The following CHFR variants were observed in gnomAD, a reference collection of about 807,000 sequenced individuals.
CHFR encodes the protein E3 ubiquitin-protein ligase CHFR.
In CHFR, 57 loss-of-function variants were observed where a neutral mutation model predicts 87.6. The ratio of observed to expected loss-of-function variants is 0.65; its 90% CI spans 0.53 to 0.81. CHFR has a LOEUF of 0.81. Among genes scored for constraint, CHFR ranks in the 30% least tolerant of loss-of-function variants. The pLI is 0.00. For missense variants in CHFR, 797 were observed against 865.8 expected (o/e 0.92, Z 1.00); for synonymous variants, 381 against 359.2 (o/e 1.06, Z -0.69).
rs1951299853 is a variant in CHFR, at chr12:132,864,916, AG to A, written c.584-3283del. On this transcript the variant is annotated intron_variant, in intron 6 of 17. Transcript: ENST00000450056. ...CACTGTGCTATGCACATTGGTGGAT[AG>A]GAACAGGAAACAATTTTACTGGTGA... is the stretch of plus-strand genomic sequence containing the variant. Among the ~76,000 whole-genome samples, 9 of 152,378 alleles carry A rather than the reference AG, an allele frequency of 5.9e-5. No homozygotes were observed. In the South Asian group the frequency reaches 1.9e-3, roughly 32 times the overall value.
chr12:132,846,922 G>C lies in CHFR; in HGVS notation c.1735+121C>G, dbSNP rs898791309. 3.2e-5 allele frequency: 23 copies of C among 724,202 alleles called. No individual in the cohort carries two copies. In the East Asian group the frequency reaches 5.8e-4, roughly 18 times the overall value. 44.9% of individuals were successfully genotyped at this position (724,202 alleles called of 1,614,324 possible). A position where few individuals can be genotyped will look rare whatever the true frequency, so the allele number is the denominator to read the frequency against. ...AACAAAAACAACCTGAAAGCATCAG[G>C]ATCTTTTTCCTCTCTTCCAGGGTGG... On this transcript the variant is annotated intron_variant, in intron 15 of 17. Transcript: ENST00000450056.
chr12:132,884,176 T>C (rs1593542267), intron 2 of CHFR, among the ~76,000 whole-genome samples: 1 of 150,904 alleles, frequency 6.6e-6, no homozygotes, highest in African/African-American at 2.4e-5. Context: ...CCCAGCACTT[T>C]GGGAAGCCGA....
At chr12:132,870,842 T>C in intron 4 of CHFR, 59 bp from the exon 5 acceptor site, 2 of 1,054,156 alleles carry the variant, frequency 1.9e-6, no homozygotes, top group Non-Finnish European at 2.9e-6. Flanking sequence ...TGAGAACTCA[T>C]TTTTCTCTTC....
rs767568711 is a variant in CHFR at position 132,872,060 on chromosome 12, A to G, written c.343+225T>C. The G allele has an allele frequency of 2.5e-5, 12 of 475,982 alleles. No individual in the cohort carries two copies. In the South Asian group the frequency reaches 4.8e-4, roughly 19 times the overall value. The allele number at this position is 475,982 out of a possible 1,614,324, so 29.5% of individuals were successfully genotyped here. ...GCTGCCATTTTGGGATTGGCTGCTC[A>G]TGGCCACAGTGGTATTCCTGAGGAA... On this transcript the variant is annotated intron_variant, in intron 4 of 17. Transcript: ENST00000450056.
Position 132,859,133 on chromosome 12 carries a change from C to A in CHFR, c.846G>T (p.Lys282Asn). ...VHEDVRAAAGKPDKMEETLTC... is the reference protein window; with the variant it reads ...VHEDVRAAAGNPDKMEETLTC... ...TCAGCGTCTCCTCCATCTTGTCTGG[C>A]TTCCCAGCCGCTGCTCTGACGTCCT... Residue 282 changes from lysine (K) to asparagine (N), a missense_variant, in exon 8 of 18, where the codon AAG becomes AAT. By Grantham distance (94) the Lys-to-Asn change is moderately conservative. Around this residue, in one of 2 missense-constraint regions of CHFR, gnomAD observed 597 missense variants for 601.2 expected, o/e 0.99. Coordinates refer to ENST00000450056, the MANE Select transcript of CHFR (RefSeq NM_001161346.2). 6.2e-7 allele frequency: 1 copy of A among 1,614,138 alleles called. No homozygotes were observed. Among genetic ancestry groups the A allele is most frequent in the Non-Finnish European group, 8.5e-7 (1 of 1,180,004 alleles).
chr12:132,844,830 A>C (rs1307225214), intron 15 of CHFR, among the ~76,000 whole-genome samples: 1 of 149,636 alleles, frequency 6.7e-6, no homozygotes, highest in Non-Finnish European at 1.5e-5. Flanking sequence ...ATGGGGTTTC[A>C]CCATGTTGGC....
At chr12:132,879,724 C>T (rs1158962806) in intron 2 of CHFR, among the ~76,000 whole-genome samples, 2 of 152,132 alleles carry the variant, frequency 1.3e-5, no homozygotes, top group Non-Finnish European at 2.9e-5. Flanking sequence ...ATCCTCAATA[C>T]TTGCCCTCTC....
chr12:132,880,075 G>C (rs1951731816), intron 2 of CHFR, among the ~76,000 whole-genome samples: 1 of 152,110 alleles, frequency 6.6e-6, no homozygotes, highest in African/African-American at 2.4e-5. Context: ...TGATTCTAAA[G>C]TTCACAGAAA....
chr12:132,868,393 G>A (rs1252320023), intron 6 of CHFR, among the ~76,000 whole-genome samples: 1 of 152,208 alleles, frequency 6.6e-6, no homozygotes, highest in East Asian at 1.9e-4. Flanking sequence ...AGAGGCTGAG[G>A]CAGGAAAATG....
chr12:132,865,858 A>G (rs1205649272), intron 6 of CHFR: 1 of 150,022 alleles, frequency 6.7e-6, no homozygotes, highest in Non-Finnish European at 1.5e-5. Context: ...ATTTTTTGTA[A>G]AGATACGGTT....
intron 11 of CHFR, 91 bp downstream of exon 11, chr12:132,853,340 C>T (rs868539292): frequency 2.5e-5 from 33 of 1,312,166 alleles, no homozygotes; most frequent in Admixed American, 7.3e-5. Context: ...AGACAGGAGG[C>T]GGGCAGAGCG....
rs1402157616 is a variant in CHFR at position 132,851,737 on chromosome 12, G to T, written c.1373C>A (p.Ala458Glu). The T allele has an allele frequency of 6.2e-7, 1 of 1,610,264 alleles. No individual in the cohort carries two copies. Among genetic ancestry groups the T allele is most frequent in the African/African-American group, 1.3e-5 (1 of 74,828 alleles). Residue 458 changes from alanine (A) to glutamate (E), a missense_variant and splice_region_variant, in exon 12 of 18, where the codon GCA becomes GAA. By Grantham distance (107) the Ala-to-Glu change is moderately radical. Around this residue, in one of 2 missense-constraint regions of CHFR, gnomAD observed 200 missense variants for 264.6 expected, o/e 0.76. Coordinates refer to ENST00000450056, the MANE Select transcript of CHFR (RefSeq NM_001161346.2). Reference sequence around the variant, plus strand: ...CAGAGGGCACACGTAATCCTGGACTGCTGAAGCACACGCACATTCAGCCGG... The same window carrying T: ...CAGAGGGCACACGTAATCCTGGACTTCTGAAGCACACGCACATTCAGCCGG... ...APSTSVSLTTAVQDYVCPLQG... is the reference protein window; with the variant it reads ...APSTSVSLTTEVQDYVCPLQG...
intron 12 of CHFR, 100 bp downstream of exon 12, chr12:132,851,518 T>C: frequency 7.6e-7 from 1 of 1,317,932 alleles, no homozygotes; most frequent in Non-Finnish European, 1.0e-6. Flanking sequence ...AGAAACGGCA[T>C]CCTTACTTCA....
At chr12:132,867,522 T>C (rs897103345) in intron 6 of CHFR, 3 of 152,234 alleles carry the variant, frequency 2.0e-5, no homozygotes, top group African/African-American at 7.2e-5. Context: ...GCAGCCACTG[T>C]GAAACCTCGA....
intron 2 of CHFR, among the ~76,000 whole-genome samples, chr12:132,886,121 G>C (rs1951886267): frequency 6.6e-6 from 1 of 152,096 alleles, no homozygotes; most frequent in African/African-American, 2.4e-5. Context: ...AGACCAGCCT[G>C]GGCAATATGG....
intron 10 of CHFR, chr12:132,853,903 C>T (rs1239025503): frequency 1.3e-5 from 4 of 308,568 alleles, no homozygotes; most frequent in South Asian, 4.6e-5. Flanking sequence ...GCGCACGCCC[C>T]GTGCTCCTCA....
intron 5 of CHFR, 186 bp from the exon 6 acceptor site, chr12:132,869,984 G>GT (rs1194049986): frequency 9.1e-6 from 6 of 662,350 alleles, no homozygotes; most frequent in East Asian, 2.7e-5. Flanking sequence ...CGAGGCAGGT[G>GT]TATCTCCTGA....
intron 15 of CHFR, among the ~76,000 whole-genome samples, chr12:132,845,712 C>G (rs1431317501): frequency 1.1e-4 from 17 of 151,990 alleles, no homozygotes; most frequent in Admixed American, 1.0e-3. Context: ...GCATCGTGTG[C>G]CCCCCTGGAG....
In CHFR at chr12:132,847,030, CAGA is replaced by C; in HGVS notation, c.1735+10_1735+12del. On this transcript the variant is annotated intron_variant, in intron 15 of 17. Transcript: ENST00000450056. ...ACATGCGCCTTAGAGCAGGAGGCAA[CAGA>C]AGAACTCACCAGACAGCAGAAACAC... 1 of 1,603,476 alleles carries C rather than the reference CAGA, an allele frequency of 6.2e-7. No homozygotes were observed. Among genetic ancestry groups the C allele is most frequent in the South Asian group, 1.1e-5 (1 of 90,842 alleles).
Sources: gnomAD v4.1 joint callset for allele counts (sites outside exome capture counted in the v4.1 genomes callset) on GRCh38, gnomAD v4.1.1 for gene constraint, gnomAD v4.1.1 regional missense constraint, MANE v1.5 for transcripts, NCBI Gene and HGNC (gene_info 2026-07-23, HGNC 2026-07-21) for gene names.